The following TEX29 variants were observed in gnomAD, a reference collection of about 807,000 sequenced individuals.
The protein encoded by TEX29 is testis expressed 29.
TEX29 carries 26 observed loss-of-function variants against 18.2 expected under a neutral mutation model. The ratio of observed to expected loss-of-function variants is 1.43; its 90% CI spans 1.04 to 1.98. TEX29 has a LOEUF of 1.98. Ranked by LOEUF, TEX29 falls within the 30% of genes most tolerant of loss-of-function variation. The probability of loss-of-function intolerance (pLI) is 0.00; values close to 1 mark genes in which losing one functional copy is unlikely to be tolerated. For missense variants in TEX29, 177 were observed against 194.2 expected (o/e 0.91, Z 0.53); for synonymous variants, 83 against 78.5 (o/e 1.06, Z -0.31).
chr13:111,333,979 TTTTA>T (rs1273482529), intron 3 of TEX29, among the ~76,000 whole-genome samples: 3 of 152,238 alleles, frequency 2.0e-5, no homozygotes, highest in Non-Finnish European at 4.4e-5. Flanking sequence ...TTCCTTTTAC[TTTTA>T]TTTAGTTCCT....
At chr13:111,339,509 C>T in intron 3 of TEX29, 1 of 415,780 alleles carries the variant, frequency 2.4e-6, no homozygotes. Context: ...CAATGCACCC[C>T]CGGGGGTCAT....
At chr13:111,324,299 G>A (rs962031742) in intron 2 of TEX29, among the ~76,000 whole-genome samples, 7 of 152,214 alleles carry the variant, frequency 4.6e-5, no homozygotes, top group Non-Finnish European at 1.0e-4. Context: ...TGGGCCGCCG[G>A]GCAGTGTGGC....
intron 2 of TEX29, among the ~76,000 whole-genome samples, chr13:111,325,220 G>A (rs1038972317): frequency 2.0e-5 from 3 of 152,328 alleles, no homozygotes; most frequent in East Asian, 1.9e-4. Flanking sequence ...GCGCCTCCCC[G>A]TTCCCCTAGC....
chr13:111,318,360 T>A (rs1181394158), upstream of TEX29, among the ~76,000 whole-genome samples: 1 of 152,210 alleles, frequency 6.6e-6, no homozygotes, highest in Non-Finnish European at 1.5e-5. Flanking sequence ...GCTAAAATTG[T>A]GTCTGTCAGT....
In TEX29 at chr13:111,320,841, C is replaced by A. The variant is rs374737114; in HGVS notation, c.-34-16C>A. The A allele has an allele frequency of 2.9e-5, 46 of 1,612,684 alleles. No homozygotes were observed. Among genetic ancestry groups the A allele is most frequent in the Admixed American group, 6.7e-5 (4 of 59,996 alleles). On this transcript the variant is annotated splice_polypyrimidine_tract_variant and intron_variant, in intron 1 of 5. Coordinates refer to ENST00000283547, the MANE Select transcript of TEX29 (RefSeq NM_152324.3). ...TCCCCAGGGCCCCGCCCGTGCTGAC[C>A]TCTCCTGTTTTCCAGGTGTGCTCGG... is the stretch of plus-strand genomic sequence containing the variant.
chr13:111,318,753 C>T (rs1459093494), upstream of TEX29, among the ~76,000 whole-genome samples: 1 of 152,228 alleles, frequency 6.6e-6, no homozygotes, highest in Non-Finnish European at 1.5e-5. Flanking sequence ...GCACGCAATG[C>T]TGGTGGGAAC....
At chr13:111,343,714 G>A (rs1378588309) in intron 5 of TEX29, among the ~76,000 whole-genome samples, 1 of 152,152 alleles carries the variant, frequency 6.6e-6, no homozygotes, top group Non-Finnish European at 1.5e-5. Context: ...AATAGACTTG[G>A]CTTTACAGGG....
chr13:111,316,671 G>A (rs758966802), upstream of TEX29, among the ~76,000 whole-genome samples: 12 of 152,198 alleles, frequency 7.9e-5, no homozygotes, highest in Non-Finnish European at 1.0e-4. Flanking sequence ...AAGGACCCTC[G>A]CTTTTCCCTT....
chr13:111,339,586 C>T (rs902389825), intron 3 of TEX29: 4 of 547,846 alleles, frequency 7.3e-6, no homozygotes, highest in South Asian at 4.0e-5. Context: ...CATGCACTCC[C>T]GGGGGTCAGG....
intron 3 of TEX29, among the ~76,000 whole-genome samples, chr13:111,339,595 G>C (rs1469930475): frequency 6.6e-6 from 1 of 152,108 alleles, no homozygotes; most frequent in South Asian, 2.1e-4. Context: ...CCGGGGGTCA[G>C]GGTGGTCACA....
At chr13:111,317,118 C>A (rs888503987), upstream of TEX29, among the ~76,000 whole-genome samples, 8 of 152,038 alleles carry the variant, frequency 5.3e-5, no homozygotes, top group Admixed American at 1.3e-4. Context: ...TATTTAGATG[C>A]AATATTTAAT....
chr13:111,342,214 T>C, intron 4 of TEX29, among the ~76,000 whole-genome samples: 1 of 152,192 alleles, frequency 6.6e-6, no homozygotes, highest in South Asian at 2.1e-4. Flanking sequence ...TATTTGAGTC[T>C]CTTTGTCCAG....
chr13:111,332,015 A>G (rs556060312), intron 3 of TEX29, among the ~76,000 whole-genome samples: 1 of 152,116 alleles, frequency 6.6e-6, no homozygotes, highest in South Asian at 2.1e-4. Flanking sequence ...CTTTTTCAAG[A>G]TTATTTTGGC....
intron 4 of TEX29, 53 bp downstream of exon 4, chr13:111,339,985 C>T: frequency 6.4e-7 from 1 of 1,554,104 alleles, no homozygotes; most frequent in Non-Finnish European, 8.9e-7. Context: ...ACTCACCTCT[C>T]CTGGCCGCAG....
upstream of TEX29, among the ~76,000 whole-genome samples, chr13:111,316,801 G>A (rs188543274): frequency 2.0e-5 from 3 of 152,276 alleles, no homozygotes; most frequent in Admixed American, 2.0e-4. Context: ...CCTGAGACTG[G>A]GTAATTTACA....
At chr13:111,320,003 A>G (rs1374755315), upstream of TEX29, among the ~76,000 whole-genome samples, 1 of 152,112 alleles carries the variant, frequency 6.6e-6, no homozygotes, top group Non-Finnish European at 1.5e-5. Context: ...CATCCTCACC[A>G]TGACCCATGT....
intron 2 of TEX29, among the ~76,000 whole-genome samples, chr13:111,327,722 G>A (rs1351957780): frequency 6.6e-6 from 1 of 152,076 alleles, no homozygotes; most frequent in Non-Finnish European, 1.5e-5. Context: ...TCTCCCTTTG[G>A]GTCAAAACTG....
Position 111,344,104 on chromosome 13 carries a change from C to T in TEX29, c.437C>T (p.Ala146Val), listed in dbSNP as rs951003067. The change falls in exon 6 of 6, where the codon GCC becomes GTC. Residue 146 changes from alanine to valine, a missense_variant. By Grantham distance (64) the Ala-to-Val change is moderately conservative. Coordinates refer to ENST00000283547, the MANE Select transcript of TEX29 (RefSeq NM_152324.3). The part of the protein sequence containing the change: ...KDDVTGTITE[A>V]EETED Reference sequence around the variant, plus strand: ...CTAGTAACAGGGACAATAACAGAAGCCGAAGAAACTGAGGACTGACTGAGA... The same window carrying T: ...CTAGTAACAGGGACAATAACAGAAGTCGAAGAAACTGAGGACTGACTGAGA... The T allele has an allele frequency of 6.2e-7, 1 of 1,612,792 alleles. No individual in the cohort carries two copies. The highest frequency in any genetic ancestry group is 1.3e-5 in the African/African-American group (1 of 74,804).
At chr13:111,342,691 G>A in intron 4 of TEX29, 65 bp from the exon 5 acceptor site, 3 of 1,525,608 alleles carry the variant, frequency 2.0e-6, no homozygotes, top group Non-Finnish European at 2.7e-6. Flanking sequence ...GTGGGTGGGA[G>A]GGAGGAACTG....
Sources: allele counts gnomAD v4.1 joint callset (sites outside exome capture counted in the v4.1 genomes callset), GRCh38; gene constraint gnomAD v4.1.1; transcripts MANE v1.5; gene names NCBI Gene and HGNC (gene_info 2026-07-23, HGNC 2026-07-21).